Variants in SORCS3 observed in about 807,000 individuals in gnomAD.
SORCS3 encodes VPS10 domain-containing receptor SorCS3.
Under a neutral mutation model 146.3 loss-of-function variants are expected in SORCS3, and 57 were observed. The observed-to-expected ratio is 0.39, with a 90% CI of 0.31 to 0.49. The LOEUF (loss-of-function observed/expected upper bound fraction) is 0.49, where lower values mean the gene tolerates loss of function less well. Among genes scored for constraint, SORCS3 ranks in the 20% least tolerant of loss-of-function variants. The pLI, the probability that SORCS3 is intolerant of heterozygous loss-of-function variation, is 0.92. For synonymous variants in SORCS3, 653 were observed against 618.5 expected, an observed-to-expected ratio of 1.06 and a Z score of -0.83; for missense variants, 1,341 against 1,575.5, an observed-to-expected ratio of 0.85 and a Z score of 2.52.
intron 1 of SORCS3, among the ~76,000 whole-genome samples, chr10:104,646,037 G>A (rs952731228): frequency 3.3e-5 from 5 of 152,204 alleles, no homozygotes; most frequent in Admixed American, 6.5e-5. Context: ...TTTTCAATTA[G>A]TATTACAAGG....
At chr10:105,016,155 A>ATATATATTTT (rs71482443) in intron 4 of SORCS3, among the ~76,000 whole-genome samples, 4 of 101,344 alleles carry the variant, frequency 3.9e-5, no homozygotes, top group African/African-American at 1.9e-4. Flanking sequence ...ATATATATAT[A>ATATATATTTT]TTTTTTTTTT....
intron 10 of SORCS3, among the ~76,000 whole-genome samples, chr10:105,158,425 G>C (rs1564770038): frequency 6.6e-6 from 1 of 152,176 alleles, no homozygotes; most frequent in Non-Finnish European, 1.5e-5. Flanking sequence ...AACAGAGACA[G>C]AGACAATCTG....
chr10:104,679,734 TC>T lies in SORCS3; in HGVS notation c.627+37782del, dbSNP rs968102165. ...TGCCGAGGGCTCTTGATTGCAACAT[TC>T]CATTTCTTTCCTTCTGCCTTGGTGG... On this transcript the variant is annotated intron_variant, in intron 1 of 26. Transcript: ENST00000369701. 1.3e-4 allele frequency among the ~76,000 whole-genome samples: 20 copies of T among 152,310 alleles called. No individual in the cohort carries two copies. In the East Asian group the frequency reaches 3.7e-3, roughly 28 times the overall value.
intron 1 of SORCS3, among the ~76,000 whole-genome samples, chr10:104,744,694 A>G (rs2133463577): frequency 6.6e-6 from 1 of 152,362 alleles, no homozygotes; most frequent in Non-Finnish European, 1.5e-5. Flanking sequence ...CTAGGTTTGC[A>G]GAATCTGGAC....
intron 3 of SORCS3, among the ~76,000 whole-genome samples, chr10:104,916,429 G>A (rs1044792668): frequency 2.0e-5 from 3 of 152,166 alleles, no homozygotes; most frequent in African/African-American, 7.2e-5. Flanking sequence ...GCAGCTCCTG[G>A]CTTCTTCAAC....
intron 2 of SORCS3, among the ~76,000 whole-genome samples, chr10:104,907,407 G>A (rs1043107808): frequency 1.3e-5 from 2 of 152,154 alleles, no homozygotes; most frequent in Non-Finnish European, 2.9e-5. Flanking sequence ...AAGGTCTTCA[G>A]TGAGAACTAA....
chr10:105,238,229 G>A (rs1012139564), intron 20 of SORCS3, among the ~76,000 whole-genome samples: 11 of 152,158 alleles, frequency 7.2e-5, no homozygotes, highest in African/African-American at 2.7e-4. Flanking sequence ...AGAGCCTGTC[G>A]TTTGTGCTAC....
At chr10:105,151,955 C>T (rs791132) in intron 9 of SORCS3, among the ~76,000 whole-genome samples, 73,092 of 151,858 alleles carry the variant, frequency 0.48, 18,123 homozygotes, top group Non-Finnish European at 0.53. Flanking sequence ...GTATTGACAG[C>T]GAATGTAGCC....
chr10:105,171,234 C>T (rs1441221275), intron 13 of SORCS3, among the ~76,000 whole-genome samples: 1 of 152,072 alleles, frequency 6.6e-6, no homozygotes, highest in African/African-American at 2.4e-5. Context: ...GCCAGATAGG[C>T]GTGAACGCAA....
chr10:105,196,334 T>A (rs2056544080), intron 14 of SORCS3, among the ~76,000 whole-genome samples: 1 of 152,216 alleles, frequency 6.6e-6, no homozygotes, highest in East Asian at 1.9e-4. Flanking sequence ...CCAGGTGTGG[T>A]CGCTCACGCC....
chr10:105,162,744 C>A (rs1180599278), intron 11 of SORCS3, among the ~76,000 whole-genome samples: 1 of 152,128 alleles, frequency 6.6e-6, no homozygotes, highest in Non-Finnish European at 1.5e-5. Context: ...GTTGACAGAA[C>A]CAGCTTCTAA....
chr10:104,995,667 T>G (rs557015042), intron 4 of SORCS3, among the ~76,000 whole-genome samples: 1 of 152,336 alleles, frequency 6.6e-6, no homozygotes, highest in Non-Finnish European at 1.5e-5. Context: ...AAGTCCTTTT[T>G]CAAATGCGTG....
At chr10:104,860,619 CAAT>C (rs1434179237) in intron 2 of SORCS3, among the ~76,000 whole-genome samples, 1 of 152,080 alleles carries the variant, frequency 6.6e-6, no homozygotes, top group Non-Finnish European at 1.5e-5. Context: ...ACAGCAGCAT[CAAT>C]AATAATGCTT....
chr10:105,069,117 T>A (rs970273982), intron 5 of SORCS3, among the ~76,000 whole-genome samples: 8 of 152,304 alleles, frequency 5.3e-5, no homozygotes, highest in Non-Finnish European at 8.8e-5. Flanking sequence ...TTCTGGAACA[T>A]CTTTCCAAAC....
At chr10:104,888,580 G>A (rs1169469414) in intron 2 of SORCS3, among the ~76,000 whole-genome samples, 2 of 151,864 alleles carry the variant, frequency 1.3e-5, no homozygotes, top group Admixed American at 6.6e-5. Flanking sequence ...CTCAAATAAA[G>A]GCAAGAATAA....
chr10:105,161,666 A>C (rs2056264350), intron 11 of SORCS3, among the ~76,000 whole-genome samples: 1 of 152,318 alleles, frequency 6.6e-6, no homozygotes, highest in South Asian at 2.1e-4. Flanking sequence ...CAAGCTAGTA[A>C]TAAAGACCTC....
In SORCS3 at chr10:105,256,819, C is replaced by A. The variant is rs770311727; in HGVS notation, c.3338C>A (p.Ala1113Asp). The change falls in exon 25 of 27, where the codon GCT becomes GAT. Residue 1113 changes from alanine to aspartate, a missense_variant and splice_region_variant. By Grantham distance (126) the Ala-to-Asp change is moderately radical. Coordinates refer to ENST00000369701, the MANE Select transcript of SORCS3 (RefSeq NM_014978.3). ...VIVYVTQLTL[A>D]PLVDSSAGHS... ...TTCCTTATCTGTTCTTCTTTCCAAG[C>A]TCCATTGGTGGACTCCAGTGCTGGG... 2 of 1,612,574 alleles carry A rather than the reference C, an allele frequency of 1.2e-6. No individual in the cohort carries two copies. Among genetic ancestry groups the A allele is most frequent in the Non-Finnish European group, 1.7e-6 (2 of 1,178,576 alleles).
intron 4 of SORCS3, among the ~76,000 whole-genome samples, chr10:105,000,877 C>T (rs1314365226): frequency 1.3e-5 from 2 of 152,148 alleles, no homozygotes; most frequent in African/African-American, 4.8e-5. Flanking sequence ...ATCACTCACC[C>T]ATCAGTTCCC....
intron 2 of SORCS3, among the ~76,000 whole-genome samples, chr10:104,864,101 C>G (rs2018434358): frequency 6.6e-6 from 1 of 152,060 alleles, no homozygotes; most frequent in African/African-American, 2.4e-5. Flanking sequence ...ATTTAAACCT[C>G]CTGATGGCAA....
Sources: allele counts gnomAD v4.1 joint callset (sites outside exome capture counted in the v4.1 genomes callset), GRCh38; gene constraint gnomAD v4.1.1; transcripts MANE v1.5; gene names NCBI Gene and HGNC (gene_info 2026-07-23, HGNC 2026-07-21).